TSHZ2: variants seen among roughly 807,000 people sequenced by gnomAD.
TSHZ2 encodes teashirt homolog 2.
Under a neutral mutation model 74.4 loss-of-function variants are expected in TSHZ2, and 21 were observed. That is an observed-to-expected ratio of 0.28 (90% CI 0.20 to 0.41). The LOEUF is 0.41. Among genes scored for constraint, TSHZ2 ranks in the 10% least tolerant of loss-of-function variants. The pLI, the probability that TSHZ2 is intolerant of heterozygous loss-of-function variation, is 1.00. For synonymous variants in TSHZ2, 540 were observed against 515.3 expected (o/e 1.05, Z -0.65); for missense variants, 1,244 against 1,293.5 (o/e 0.96, Z 0.59).
rs968090864 is a variant in TSHZ2, at chr20:53,182,645, G to A, written c.41-70854G>A. ...TTGCCAAAGAATCTCTCTAACTTTTGGTAATCTGAACTTCTCTCTTTCCCT... is the reference window on the plus strand; with the variant it reads ...TTGCCAAAGAATCTCTCTAACTTTTAGTAATCTGAACTTCTCTCTTTCCCT... On this transcript the variant is annotated intron_variant, in intron 1 of 2. Coordinates refer to ENST00000371497, the MANE Select transcript of TSHZ2 (RefSeq NM_173485.6). 4.0e-4 allele frequency among the ~76,000 whole-genome samples: 61 copies of A among 152,098 alleles called. 1 individual carries two copies. Among genetic ancestry groups the A allele is most frequent in the Admixed American group, 3.4e-3 (52 of 15,278 alleles).
chr20:53,267,615 A>G (rs1397994749), intron 2 of TSHZ2, among the ~76,000 whole-genome samples: 3 of 152,218 alleles, frequency 2.0e-5, no homozygotes, highest in Non-Finnish European at 2.9e-5. Flanking sequence ...TGACTCTTGT[A>G]GTCATGTCAT....
intron 1 of TSHZ2, among the ~76,000 whole-genome samples, chr20:53,195,354 C>T (rs1988837157): frequency 6.6e-6 from 1 of 151,172 alleles, no homozygotes; most frequent in African/African-American, 2.4e-5. Flanking sequence ...CGATTTTGTT[C>T]CTGAATTGTG....
intron 1 of TSHZ2, among the ~76,000 whole-genome samples, chr20:53,168,383 A>G (rs2123478928): frequency 6.6e-6 from 1 of 152,336 alleles, no homozygotes; most frequent in Non-Finnish European, 1.5e-5. Context: ...CACATAGTCT[A>G]GTTTATGAGA....
intron 1 of TSHZ2, among the ~76,000 whole-genome samples, chr20:53,200,554 C>T (rs1988978611): frequency 6.6e-6 from 1 of 152,180 alleles, no homozygotes; most frequent in Non-Finnish European, 1.5e-5. Flanking sequence ...GCATTAAAGA[C>T]AAGAGTGCTG....
chr20:53,489,646 T>C lies in TSHZ2; in HGVS notation c.*2511T>C, dbSNP rs1385809123. The C allele has an allele frequency of 6.4e-6, 1 of 155,522 alleles. No homozygotes were observed. The highest frequency in any genetic ancestry group is 1.4e-5 in the Non-Finnish European group (1 of 70,106). The allele number at this position is 155,522 out of a possible 1,614,324, so 9.6% of individuals were successfully genotyped here. A position where few individuals can be genotyped will look rare whatever the true frequency, so the allele number is the denominator to read the frequency against. On this transcript the variant is annotated 3_prime_UTR_variant, in exon 3 of 3. Transcript: ENST00000371497. ...TCAACATATAATCGATATGGTTTTGTTAGCGTAATTTCTATGGTGGGTGGG... is the reference window on the plus strand; with the variant it reads ...TCAACATATAATCGATATGGTTTTGCTAGCGTAATTTCTATGGTGGGTGGG...
intron 2 of TSHZ2, among the ~76,000 whole-genome samples, chr20:53,285,573 G>T (rs1293380934): frequency 6.6e-6 from 1 of 152,100 alleles, no homozygotes; most frequent in Non-Finnish European, 1.5e-5. Flanking sequence ...AGCTGGGCAT[G>T]GTGGTGCCTG....
At chr20:53,349,461 G>A (rs556830107) in intron 2 of TSHZ2, among the ~76,000 whole-genome samples, 10 of 152,288 alleles carry the variant, frequency 6.6e-5, no homozygotes, top group African/African-American at 2.4e-4. Context: ...AGACCAGCCT[G>A]GGTGACACGG....
intron 2 of TSHZ2, among the ~76,000 whole-genome samples, chr20:53,446,578 CAAAA>C (rs5841946): frequency 1.4e-4 from 15 of 105,786 alleles, no homozygotes; most frequent in East Asian, 7.9e-4. Flanking sequence ...GACTCTGTCG[CAAAA>C]AAAAAAAAAA....
chr20:52,997,851 G>A (rs1380587817), intron 1 of TSHZ2, among the ~76,000 whole-genome samples: 2 of 152,102 alleles, frequency 1.3e-5, no homozygotes, highest in African/African-American at 4.8e-5. Context: ...AAATCTCTTT[G>A]CCTAAACTCC....
chr20:53,253,420 G>A, intron 1 of TSHZ2, 79 bp from the exon 2 acceptor site: 1 of 1,507,184 alleles, frequency 6.6e-7, no homozygotes, highest in South Asian at 1.4e-5. Context: ...GGCATGGGAA[G>A]CACTTAGTCT....
intron 1 of TSHZ2, among the ~76,000 whole-genome samples, chr20:53,181,747 G>A (rs1052518237): frequency 1.3e-5 from 2 of 152,096 alleles, no homozygotes; most frequent in Non-Finnish European, 2.9e-5. Flanking sequence ...AATTAGCCGG[G>A]CGTGGTGGTG....
chr20:53,184,918 T>C (rs1421545760), intron 1 of TSHZ2, among the ~76,000 whole-genome samples: 3 of 152,232 alleles, frequency 2.0e-5, no homozygotes, highest in Non-Finnish European at 2.9e-5. Context: ...ATGTTGGCCA[T>C]GGCTGCTCTC....
chr20:53,047,910 C>A (rs1054767835), intron 1 of TSHZ2, among the ~76,000 whole-genome samples: 3 of 152,128 alleles, frequency 2.0e-5, no homozygotes, highest in African/African-American at 7.2e-5. Context: ...CTGAAAACAG[C>A]CCTGCAAGGT....
intron 1 of TSHZ2, among the ~76,000 whole-genome samples, chr20:52,997,261 G>GGGT (rs1555813131): frequency 7.4e-6 from 1 of 135,008 alleles, no homozygotes; most frequent in Non-Finnish European, 1.5e-5. Flanking sequence ...TCTTGCCCCG[G>GGGT]GGGGGGGTTC....
At chr20:52,998,024 G>A (rs923455863) in intron 1 of TSHZ2, among the ~76,000 whole-genome samples, 1 of 152,178 alleles carries the variant, frequency 6.6e-6, no homozygotes, top group Non-Finnish European at 1.5e-5. Flanking sequence ...GATGCTCAGG[G>A]GGGGATTCGT....
intron 1 of TSHZ2, among the ~76,000 whole-genome samples, chr20:53,220,989 C>A (rs1333759251): frequency 6.6e-6 from 1 of 152,206 alleles, no homozygotes; most frequent in Non-Finnish European, 1.5e-5. Context: ...CCCACCCAAT[C>A]TCATCTTGAA....
chr20:53,469,971 T>C (rs2145835163), intron 2 of TSHZ2, among the ~76,000 whole-genome samples: 1 of 152,290 alleles, frequency 6.6e-6, no homozygotes, highest in East Asian at 1.9e-4. Context: ...TACTGATATA[T>C]AACTGTTAAA....
Position 53,492,036 on chromosome 20 carries a change from A to G in TSHZ2, c.*4901A>G, listed in dbSNP as rs2145871883. 6.6e-6 allele frequency: 1 copy of G among 151,606 alleles called. No homozygotes were observed. Among genetic ancestry groups the G allele is most frequent in the East Asian group, 1.9e-4 (1 of 5,160 alleles). 9.4% of individuals were successfully genotyped at this position (151,606 alleles called of 1,614,324 possible). On this transcript the variant is annotated 3_prime_UTR_variant, in exon 3 of 3. Coordinates refer to ENST00000371497, the MANE Select transcript of TSHZ2 (RefSeq NM_173485.6). ...AAACCCCAGGAGAAACTTTTTGGTA[A>G]GAAACCTCAAAAAATTTGAACAAAG...
intron 1 of TSHZ2, among the ~76,000 whole-genome samples, chr20:53,232,563 A>T (rs1989850676): frequency 6.6e-6 from 1 of 152,194 alleles, no homozygotes; most frequent in Non-Finnish European, 1.5e-5. Context: ...TTAAGTAAGA[A>T]CGTTACAGTT....
Sources: allele counts gnomAD v4.1 joint callset (sites outside exome capture counted in the v4.1 genomes callset), GRCh38; gene constraint gnomAD v4.1.1; transcripts MANE v1.5; gene names NCBI Gene and HGNC (gene_info 2026-07-23, HGNC 2026-07-21).